The following SYCP1 variants were observed in gnomAD, a reference collection of about 807,000 sequenced individuals.
The protein encoded by SYCP1 is synaptonemal complex protein 1, also known as cancer/testis antigen 8.
Under a neutral mutation model 153.1 loss-of-function variants are expected in SYCP1, and 64 were observed. The observed-to-expected ratio is 0.42, with a 90% confidence interval of 0.34 to 0.51. The LOEUF is 0.51. Among genes scored for constraint, SYCP1 ranks in the 20% least tolerant of loss-of-function variants. The pLI is 0.06. For missense variants in SYCP1, 997 were observed against 1,049.0 expected (o/e 0.95, Z 0.68); for synonymous variants, 384 against 341.8 (o/e 1.12, Z -1.36).
intron 20 of SYCP1, among the ~76,000 whole-genome samples, chr1:114,918,489 A>G (rs924409591): frequency 6.6e-6 from 1 of 151,976 alleles, no homozygotes; most frequent in African/African-American, 2.4e-5. Flanking sequence ...TTGTGGTTCT[A>G]TATAAATTTT....
Position 114,907,173 on chromosome 1 carries a change from T to C in SYCP1, c.1321-3224T>C, listed in dbSNP as rs1667866415. Among the ~76,000 whole-genome samples the C allele has an allele frequency of 2.0e-5, 3 of 152,222 alleles. No homozygotes were observed. In the South Asian group the frequency reaches 6.2e-4, roughly 31 times the overall value. On this transcript the variant is annotated intron_variant, in intron 16 of 31. Coordinates refer to ENST00000369522, the MANE Select transcript of SYCP1 (RefSeq NM_003176.4). ...TTTCTTATGCTTGTTGTTTGCATGATATATCTTACAACCTACATTTGACTT... is the reference window on the plus strand; with the variant it reads ...TTTCTTATGCTTGTTGTTTGCATGACATATCTTACAACCTACATTTGACTT...
At chr1:114,896,484 C>T (rs1238867307) in intron 16 of SYCP1, among the ~76,000 whole-genome samples, 1 of 152,034 alleles carries the variant, frequency 6.6e-6, no homozygotes, top group Non-Finnish European at 1.5e-5. Flanking sequence ...TGAATTTTTC[C>T]TTTGTAACAC....
chr1:114,975,416 C>A (rs766757021), intron 27 of SYCP1, among the ~76,000 whole-genome samples: 18 of 150,028 alleles, frequency 1.2e-4, no homozygotes, highest in Non-Finnish European at 2.4e-4. Context: ...TTATTGATTA[C>A]CTTTATATTT....
chr1:114,857,383 T>C, intron 4 of SYCP1, 61 bp from the exon 5 acceptor site: 1 of 1,529,210 alleles, frequency 6.5e-7, no homozygotes, highest in Non-Finnish European at 8.9e-7. Context: ...CTGTATTTAA[T>C]TGTTATTATT....
chr1:114,987,214 G>A (rs1367188031), intron 30 of SYCP1, among the ~76,000 whole-genome samples: 1 of 151,874 alleles, frequency 6.6e-6, no homozygotes, highest in Non-Finnish European at 1.5e-5. Flanking sequence ...TAAAAAAGAC[G>A]GGAGAAGACC....
intron 27 of SYCP1, among the ~76,000 whole-genome samples, chr1:114,953,512 TTTGCCTATGGATCTCAGA>T (rs1671240042): frequency 6.6e-6 from 1 of 152,252 alleles, no homozygotes; most frequent in Admixed American, 6.5e-5. Context: ...AGTTCAGTTT[TTTGCCTATGGATCTCAGA>T]TTGCTCTGTC....
Position 114,886,193 on chromosome 1 carries a change from A to G in SYCP1, c.1074A>G (p.Glu358=), listed in dbSNP as rs1666286189. ...AAACAATTTGTCAGCTAACTGAAGA[A>G]AAAGAAACTCAAATGGAAGAATCTA... ...ATKTICQLTE[E]KETQMEESNK... Residue 358 remains glutamate (E), a synonymous_variant, in exon 14 of 32, where the codon GAA becomes GAG. Coordinates refer to ENST00000369522, the MANE Select transcript of SYCP1 (RefSeq NM_003176.4). 6.2e-7 allele frequency: 1 copy of G among 1,612,064 alleles called. No individual in the cohort carries two copies. The highest frequency in any genetic ancestry group is 8.5e-7 in the Non-Finnish European group (1 of 1,179,254).
At chr1:114,943,910 T>C (rs1670534300) in intron 23 of SYCP1, among the ~76,000 whole-genome samples, 1 of 151,856 alleles carries the variant, frequency 6.6e-6, no homozygotes, top group Non-Finnish European at 1.5e-5. Context: ...ACTCAGTAAA[T>C]ATTTATACAA....
intron 23 of SYCP1, among the ~76,000 whole-genome samples, chr1:114,930,139 C>T (rs551837348): frequency 3.4e-4 from 52 of 151,780 alleles, no homozygotes; most frequent in African/African-American, 9.9e-4. Flanking sequence ...TTATTTTAAA[C>T]GGAATGATGA....
At chr1:114,902,040 C>A (rs554168752) in intron 16 of SYCP1, among the ~76,000 whole-genome samples, 1 of 151,384 alleles carries the variant, frequency 6.6e-6, no homozygotes, top group African/African-American at 2.4e-5. Context: ...ACTCCACGGG[C>A]GCTTGGCAGG....
intron 27 of SYCP1, among the ~76,000 whole-genome samples, chr1:114,948,925 G>A (rs576560291): frequency 6.6e-6 from 1 of 152,216 alleles, no homozygotes; most frequent in South Asian, 2.1e-4. Flanking sequence ...ATAAGAATAA[G>A]AATTCTGTTA....
chr1:114,858,399 G>A lies in SYCP1; in HGVS notation c.292-148G>A, dbSNP rs548579114. 3.1e-4 allele frequency: 163 copies of A among 533,130 alleles called. 1 individual carries two copies. Among genetic ancestry groups the A allele is most frequent in the Non-Finnish European group, 7.5e-5 (24 of 319,200 alleles). The allele number at this position is 533,130 out of a possible 1,614,324, so 33.0% of individuals were successfully genotyped here. On this transcript the variant is annotated intron_variant, in intron 5 of 31. Transcript: ENST00000369522. ...AATATTGCCTTAGTAGTTTAAAAGA[G>A]TTAATGTGGCTTTCAGTATGCTATT...
chr1:114,920,050 TC>T (rs1319051107), intron 20 of SYCP1, among the ~76,000 whole-genome samples: 1 of 152,036 alleles, frequency 6.6e-6, no homozygotes, highest in African/African-American at 2.4e-5. Flanking sequence ...GGTTTGCTCT[TC>T]TTTTTGTAGT....
intron 8 of SYCP1, among the ~76,000 whole-genome samples, chr1:114,872,451 T>C (rs1222669780): frequency 6.6e-6 from 1 of 152,194 alleles, no homozygotes; most frequent in African/African-American, 2.4e-5. Context: ...AAATGTTTTT[T>C]TCCTCTAGCT....
At chr1:114,938,086 G>A (rs374897613) in intron 23 of SYCP1, among the ~76,000 whole-genome samples, 1 of 151,988 alleles carries the variant, frequency 6.6e-6, no homozygotes, top group African/African-American at 2.4e-5. Context: ...TGCTATAAAG[G>A]CACATGCACA....
intron 27 of SYCP1, among the ~76,000 whole-genome samples, chr1:114,969,651 A>G (rs1481238790): frequency 6.6e-6 from 1 of 152,134 alleles, no homozygotes; most frequent in African/African-American, 2.4e-5. Flanking sequence ...CAGGGGAGCG[A>G]ACAGTTCTGT....
At chr1:114,921,570 T>C (rs1323769495) in intron 20 of SYCP1, among the ~76,000 whole-genome samples, 1 of 149,910 alleles carries the variant, frequency 6.7e-6, no homozygotes, top group East Asian at 1.9e-4. Flanking sequence ...TCCTAGCTAC[T>C]GGGGAGGCTG....
chr1:114,931,056 A>C (rs535491808), intron 23 of SYCP1, among the ~76,000 whole-genome samples: 1 of 151,938 alleles, frequency 6.6e-6, no homozygotes, highest in East Asian at 1.9e-4. Flanking sequence ...GCAGAAAGGC[A>C]TTTGACAGAA....
intron 27 of SYCP1, among the ~76,000 whole-genome samples, chr1:114,966,799 C>T (rs1470996299): frequency 6.6e-6 from 1 of 151,808 alleles, no homozygotes; most frequent in Non-Finnish European, 1.5e-5. Flanking sequence ...ATTCTCCTGT[C>T]TCAGCCTCCC....
Sources: gnomAD v4.1 joint callset for allele counts (sites outside exome capture counted in the v4.1 genomes callset) on GRCh38, gnomAD v4.1.1 for gene constraint, MANE v1.5 for transcripts, NCBI Gene and HGNC (gene_info 2026-07-23, HGNC 2026-07-21) for gene names.